The following SLC7A5 variants were observed in gnomAD, a reference collection of about 807,000 sequenced individuals.
SLC7A5 encodes the protein solute carrier family 7 member 5.
Under a neutral mutation model 50.2 loss-of-function variants are expected in SLC7A5, and 23 were observed. The observed-to-expected ratio is 0.46, with a 90% CI of 0.33 to 0.65. SLC7A5 has a LOEUF of 0.65. Ranked by LOEUF, SLC7A5 falls within the 30% of genes least tolerant of loss-of-function variation. SLC7A5 has a pLI of 0.02. For missense variants in SLC7A5, 578 were observed against 684.4 expected, an observed-to-expected ratio of 0.84 and a Z score of 1.73; for synonymous variants, 393 against 330.6, an observed-to-expected ratio of 1.19 and a Z score of -2.05.
intron 1 of SLC7A5, among the ~76,000 whole-genome samples, chr16:87,854,602 C>A (rs2055290729): frequency 6.6e-6 from 1 of 152,230 alleles, no homozygotes; most frequent in Non-Finnish European, 1.5e-5. Context: ...TGCCCTGAGT[C>A]AGAGTGAGGG....
Position 87,838,693 on chromosome 16 carries a change from G to A in SLC7A5, c.1043+21C>T, listed in dbSNP as rs778020907. ...TGAGGCCTGGGCCTCCCTCACCTGT[G>A]GTGGGTCGGGCTGTGCTCACCTGGA... is the stretch of plus-strand genomic sequence containing the variant. On this transcript the variant is annotated intron_variant, in intron 6 of 9. Coordinates refer to ENST00000261622, the MANE Select transcript of SLC7A5 (RefSeq NM_003486.7). 3 of 1,583,100 alleles carry A rather than the reference G, an allele frequency of 1.9e-6. No homozygotes were observed. The South Asian group carries it at 3.3e-5, about 18-fold the overall frequency.
intron 1 of SLC7A5, among the ~76,000 whole-genome samples, chr16:87,855,262 G>A (rs1194624223): frequency 6.6e-6 from 1 of 152,106 alleles, no homozygotes; most frequent in Non-Finnish European, 1.5e-5. Flanking sequence ...ATGAGGTGGG[G>A]GACACCCCCA....
rs1181611056 is a variant in SLC7A5 at position 87,860,395 on chromosome 16, CACACAT to C, written c.538+8484_538+8489del. ...ACACACACACACACACACACACACA[CACACAT>C]ATATATATAAAGAAAAAGGAAATCT... On this transcript the variant is annotated intron_variant, in intron 1 of 9. Coordinates refer to ENST00000261622, the MANE Select transcript of SLC7A5 (RefSeq NM_003486.7). The surrounding 1 kb of genome is among the most constrained non-coding windows in gnomAD (Gnocchi z 4.8). Among the ~76,000 whole-genome samples the C allele has an allele frequency of 0.012, 761 of 65,746 alleles. 31 individuals are homozygous for C. Among genetic ancestry groups the C allele is most frequent in the Middle Eastern group, 0.033 (3 of 90 alleles). The allele number at this position is 65,746 out of a possible 152,430, so 43.1% of individuals were successfully genotyped here.
At position 87,861,555 on chromosome 16, in the gene SLC7A5, G is replaced by C. The variant is rs2055398617; in HGVS notation, c.538+7330C>G. Reference sequence around the variant, plus strand: ...TATCACTGGCTTCAAAGGCTGGAGTGCAAAGTGGTGGCCAAGAGGTGGCCA... The same window carrying C: ...TATCACTGGCTTCAAAGGCTGGAGTCCAAAGTGGTGGCCAAGAGGTGGCCA... On this transcript the variant is annotated intron_variant, in intron 1 of 9. Coordinates refer to ENST00000261622, the MANE Select transcript of SLC7A5 (RefSeq NM_003486.7). The surrounding 1 kb of genome is among the most constrained non-coding windows in gnomAD (Gnocchi z 4.2). Among the ~76,000 whole-genome samples the C allele has an allele frequency of 6.6e-6, 1 of 152,202 alleles. No homozygotes were observed. Among genetic ancestry groups the C allele is most frequent in the African/African-American group, 2.4e-5 (1 of 41,448 alleles).
At chr16:87,840,992 G>T in intron 3 of SLC7A5, 58 bp downstream of exon 3, 1 of 1,215,698 alleles carries the variant, frequency 8.2e-7, no homozygotes, top group Non-Finnish European at 1.2e-6. Flanking sequence ...TGGGATTCCT[G>T]GACACGTCAG....
intron 1 of SLC7A5, among the ~76,000 whole-genome samples, chr16:87,866,468 T>C (rs1244371542): frequency 6.6e-6 from 1 of 151,834 alleles, no homozygotes; most frequent in Non-Finnish European, 1.5e-5. Context: ...GCCCAGCTGA[T>C]TTTTGCTTTT....
chr16:87,867,892 G>A (rs1486444440), intron 1 of SLC7A5, among the ~76,000 whole-genome samples: 1 of 152,114 alleles, frequency 6.6e-6, no homozygotes, highest in African/African-American at 2.4e-5. Flanking sequence ...GAGGCGGGCG[G>A]ATCACAAGGT....
At chr16:87,867,653 A>C (rs1475057406) in intron 1 of SLC7A5, among the ~76,000 whole-genome samples, 1 of 152,060 alleles carries the variant, frequency 6.6e-6, no homozygotes. Flanking sequence ...CAAGACCCCA[A>C]CTATAAATTA....
intron 2 of SLC7A5, among the ~76,000 whole-genome samples, chr16:87,846,716 C>A (rs1415395123): frequency 6.6e-6 from 1 of 152,196 alleles, no homozygotes; most frequent in Non-Finnish European, 1.5e-5. Flanking sequence ...CCGCCGGCAT[C>A]CAGGTAGCAG....
intron 1 of SLC7A5, among the ~76,000 whole-genome samples, chr16:87,865,271 T>C (rs2055445755): frequency 6.6e-6 from 1 of 151,644 alleles, no homozygotes. Context: ...CAAGTACAAA[T>C]GGCTTAGGGA....
At chr16:87,856,530 G>A (rs1301035877) in intron 1 of SLC7A5, among the ~76,000 whole-genome samples, 5 of 152,294 alleles carry the variant, frequency 3.3e-5, no homozygotes, top group East Asian at 3.9e-4. Context: ...GCCCAGTCCC[G>A]CCCAGTGCAG....
Position 87,838,931 on chromosome 16 carries a change from C to A in SLC7A5, c.940-114G>T, listed in dbSNP as rs913563073. The A allele has an allele frequency of 1.0e-5, 8 of 788,650 alleles. No homozygotes were observed. In the East Asian group the frequency reaches 2.1e-4, roughly 21 times the overall value. The allele number at this position is 788,650 out of a possible 1,614,324, so 48.9% of individuals were successfully genotyped here. A position where few individuals can be genotyped will look rare whatever the true frequency, so the allele number is the denominator to read the frequency against. On this transcript the variant is annotated intron_variant, in intron 5 of 9. Transcript: ENST00000261622. The stretch of plus-strand genomic sequence containing the variant: ...CCTCGCCCTCTGTGCTCACAAGAGC[C>A]CTCTGCAGAGGACCTCTCAGGCTGG...
At chr16:87,845,518 C>G (rs1346587562) in intron 2 of SLC7A5, among the ~76,000 whole-genome samples, 1 of 151,536 alleles carries the variant, frequency 6.6e-6, no homozygotes, top group Non-Finnish European at 1.5e-5. Context: ...ATGCCCACTC[C>G]AGGCAGAGTC....
chr16:87,838,439 G>A (rs903513124), intron 6 of SLC7A5, among the ~76,000 whole-genome samples: 2 of 152,050 alleles, frequency 1.3e-5, no homozygotes, highest in Admixed American at 6.6e-5. Context: ...CTACGGGCAC[G>A]TGCCACCACG....
rs1161420464 is a variant in SLC7A5 at position 87,861,437 on chromosome 16, T to A, written c.538+7448A>T. 1.3e-5 allele frequency among the ~76,000 whole-genome samples: 2 copies of A among 152,172 alleles called. No homozygotes were observed. The highest frequency in any genetic ancestry group is 4.8e-5 in the African/African-American group (2 of 41,432). ...TGGCTTTGTGCTCCCCTATGCCTGA[T>A]GACAAATGGTGGCCTCAGTGTAGAG... On this transcript the variant is annotated intron_variant, in intron 1 of 9. Transcript: ENST00000261622. This position sits in a 1 kb window ranked among gnomAD's most constrained non-coding sequence, Gnocchi z 4.2.
intron 2 of SLC7A5, among the ~76,000 whole-genome samples, chr16:87,849,247 G>C (rs1043094448): frequency 2.6e-5 from 4 of 152,160 alleles, no homozygotes; most frequent in African/African-American, 9.7e-5. Flanking sequence ...TATAAAGTTG[G>C]ACAACTGCTT....
chr16:87,849,197 G>C (rs972314791), intron 2 of SLC7A5, among the ~76,000 whole-genome samples: 1 of 151,786 alleles, frequency 6.6e-6, no homozygotes, highest in Non-Finnish European at 1.5e-5. Context: ...CCAGCGAGGG[G>C]AGGGGGCAGC....
chr16:87,864,534 G>T (rs974247477), intron 1 of SLC7A5, among the ~76,000 whole-genome samples: 1 of 152,142 alleles, frequency 6.6e-6, no homozygotes, highest in African/African-American at 2.4e-5. Context: ...AAGTCAGAAT[G>T]ACCTGAGAAT....
intron 8 of SLC7A5, among the ~76,000 whole-genome samples, chr16:87,835,770 A>T (rs9932892): frequency 3.0e-4 from 46 of 152,204 alleles, no homozygotes; most frequent in South Asian, 1.2e-3. Context: ...CACCGCGCCC[A>T]GCCTAAAGCC....
Sources: gnomAD v4.1 joint callset for allele counts (sites outside exome capture counted in the v4.1 genomes callset) on GRCh38, gnomAD v4.1.1 for gene constraint, Gnocchi (gnomAD v3.1) non-coding constraint, MANE v1.5 for transcripts, NCBI Gene and HGNC (gene_info 2026-07-23, HGNC 2026-07-21) for gene names.